IL15RA: variants seen among roughly 807,000 people sequenced by gnomAD.
IL15RA encodes interleukin-15 receptor subunit alpha.
Under a neutral mutation model 24.2 loss-of-function variants are expected in IL15RA, and 26 were observed. The observed-to-expected ratio is 1.07, with a 90% CI of 0.79 to 1.49. The LOEUF is 1.49. IL15RA is among the 40% of genes most tolerant of loss of function. The probability of loss-of-function intolerance (pLI) is 0.00; values close to 1 mark genes in which losing one functional copy is unlikely to be tolerated. For synonymous variants in IL15RA, 166 were observed against 157.6 expected, an observed-to-expected ratio of 1.05 and a Z score of -0.40; for missense variants, 354 against 356.4, an observed-to-expected ratio of 0.99 and a Z score of 0.05.
Position 5,966,245 on chromosome 10 carries a change from A to G in IL15RA, c.183T>C (p.Ser61=). The G allele has an allele frequency of 6.2e-7, 1 of 1,614,080 alleles. No individual in the cohort carries two copies. The highest frequency in any genetic ancestry group is 1.1e-5 in the South Asian group (1 of 91,074). Residue 61 remains serine, a synonymous_variant, in exon 2 of 7, where the codon TCT becomes TCC. Transcript: ENST00000379977. This position sits in a 1 kb window ranked among gnomAD's most constrained non-coding sequence, Gnocchi z 6.4. ...LYSRERYICN[S]GFKRKAGTSS... ...ACGTGCCGGCTTTACGCTTGAAACCAGAGTTACAAATGTACCGCTCCCTGG... is the reference window on the plus strand; with the variant it reads ...ACGTGCCGGCTTTACGCTTGAAACCGGAGTTACAAATGTACCGCTCCCTGG...
intron 5 of IL15RA, among the ~76,000 whole-genome samples, 194 bp from the exon 6 acceptor site, chr10:5,956,648 AG>A (rs2132300056): frequency 6.6e-6 from 1 of 152,288 alleles, no homozygotes; most frequent in East Asian, 1.9e-4. Context: ...TTTCCTGCTG[AG>A]GGTGCCAGCT....
At position 5,960,907 on chromosome 10, in the gene IL15RA, C is replaced by T. The variant is rs41294155; in HGVS notation, c.383-340G>A. Among the ~76,000 whole-genome samples, 4,050 of 152,156 alleles carry T rather than the reference C, an allele frequency of 0.027. 95 individuals carry two copies. The highest frequency in any genetic ancestry group is 0.11 in the East Asian group (566 of 5,176). On this transcript the variant is annotated intron_variant, in intron 3 of 6. Transcript: ENST00000379977. The surrounding 1 kb of genome is among the most constrained non-coding windows in gnomAD (Gnocchi z 5.1). The stretch of plus-strand genomic sequence containing the variant: ...GACCAGCCTGGGCAACACAGCAAGA[C>T]CCTGTTTCTTTTCCTTCTTTTTTTG...
chr10:5,963,467 C>T lies in IL15RA; in HGVS notation c.382+276G>A, dbSNP rs1443915695. 6.6e-6 allele frequency among the ~76,000 whole-genome samples: 1 copy of T among 152,196 alleles called. No homozygotes were observed. Among genetic ancestry groups the T allele is most frequent in the Non-Finnish European group, 1.5e-5 (1 of 68,042 alleles). ...ACCTCAGTCTGCTTTCAGTTCTTGA[C>T]AAAGATAAGTGTCTACAACTAAATT... On this transcript the variant is annotated intron_variant, in intron 3 of 6. Coordinates refer to ENST00000379977, the MANE Select transcript of IL15RA (RefSeq NM_002189.4). The surrounding 1 kb of genome is among the most constrained non-coding windows in gnomAD (Gnocchi z 5.3).
In IL15RA at chr10:5,968,722, T is replaced by G; in HGVS notation, c.89-2383A>C. 1 of 701,360 alleles carries G rather than the reference T, an allele frequency of 1.4e-6. No individual in the cohort carries two copies. The highest frequency in any genetic ancestry group is 2.6e-6 in the Non-Finnish European group (1 of 384,098). The allele number at this position is 701,360 out of a possible 1,614,324, so 43.4% of individuals were successfully genotyped here. A position where few individuals can be genotyped will look rare whatever the true frequency, so the allele number is the denominator to read the frequency against. The stretch of plus-strand genomic sequence containing the variant: ...TACCTGCCTAAACCACAGAGTGTTA[T>G]TTCTCCACACTTGCCCACCCCATCC... On this transcript the variant is annotated intron_variant, in intron 1 of 6. Coordinates refer to ENST00000379977, the MANE Select transcript of IL15RA (RefSeq NM_002189.4). This position sits in a 1 kb window ranked among gnomAD's most constrained non-coding sequence, Gnocchi z 5.4.
upstream of IL15RA, chr10:5,977,975 T>G: frequency 5.4e-6 from 1 of 185,246 alleles, no homozygotes; most frequent in East Asian, 1.3e-4. Context: ...GCCTTCGGCT[T>G]TCCTGGTCTC....
intron 1 of IL15RA, among the ~76,000 whole-genome samples, chr10:5,976,613 A>G (rs746146877): frequency 6.6e-6 from 1 of 152,070 alleles, no homozygotes; most frequent in Non-Finnish European, 1.5e-5. Context: ...ATAGAGCTAG[A>G]CCCTGCTACT....
intron 5 of IL15RA, among the ~76,000 whole-genome samples, chr10:5,956,729 G>A (rs1257944160): frequency 1.3e-5 from 2 of 152,226 alleles, no homozygotes; most frequent in African/African-American, 4.8e-5. Flanking sequence ...TGACGGGGCA[G>A]GGACGGAGCA....
rs1554819562 is a variant in IL15RA at position 5,960,590 on chromosome 10, G to A, written c.383-23C>T. The A allele has an allele frequency of 6.2e-7, 1 of 1,605,490 alleles. No individual in the cohort carries two copies. Among genetic ancestry groups the A allele is most frequent in the Non-Finnish European group, 8.5e-7 (1 of 1,173,468 alleles). On this transcript the variant is annotated intron_variant, in intron 3 of 6. Coordinates refer to ENST00000379977, the MANE Select transcript of IL15RA (RefSeq NM_002189.4). The surrounding 1 kb of genome is among the most constrained non-coding windows in gnomAD (Gnocchi z 5.1). ...GCTCTGTAGGAGAGTCCAAGGCAGG[G>A]ACAACATCAGTGTGCAGACTCCCCT...
In IL15RA at chr10:5,970,593, G is replaced by A. The variant is rs1025875067; in HGVS notation, c.89-4254C>T. Among the ~76,000 whole-genome samples the A allele has an allele frequency of 1.6e-4, 24 of 152,030 alleles. No individual in the cohort carries two copies. Among genetic ancestry groups the A allele is most frequent in the African/African-American group, 5.8e-4 (24 of 41,340 alleles). ...TGTTTGAATGTACAAGGATATCAAT[G>A]TACTACAGCCAATCCAACCAGGCAA... On this transcript the variant is annotated intron_variant, in intron 1 of 6. Coordinates refer to ENST00000379977, the MANE Select transcript of IL15RA (RefSeq NM_002189.4). This position sits in a 1 kb window ranked among gnomAD's most constrained non-coding sequence, Gnocchi z 4.1.
chr10:5,958,989 C>T lies in IL15RA; in HGVS notation c.616+765G>A, dbSNP rs1338433825. Among the ~76,000 whole-genome samples the T allele has an allele frequency of 6.6e-6, 1 of 151,580 alleles. No individual in the cohort carries two copies. The highest frequency in any genetic ancestry group is 2.4e-5 in the African/African-American group (1 of 41,208). ...CCTGTTCTCCCCTCCTCTCTCAGCT[C>T]TCCTCCCCTCCCTTCAGCTTTTTCT... is the stretch of plus-strand genomic sequence containing the variant. On this transcript the variant is annotated intron_variant, in intron 5 of 6. Coordinates refer to ENST00000379977, the MANE Select transcript of IL15RA (RefSeq NM_002189.4). This position sits in a 1 kb window ranked among gnomAD's most constrained non-coding sequence, Gnocchi z 4.3.
Position 5,966,416 on chromosome 10 carries a change from T to G in IL15RA, c.89-77A>C. The stretch of plus-strand genomic sequence containing the variant: ...GGCGTTCTCCAGGCACACGCAGCGG[T>G]AGTCAGTGTCCAGCTTATCCTAGGG... On this transcript the variant is annotated intron_variant, in intron 1 of 6. Transcript: ENST00000379977. This position sits in a 1 kb window ranked among gnomAD's most constrained non-coding sequence, Gnocchi z 6.4. 76 of 1,230,176 alleles carry G rather than the reference T, an allele frequency of 6.2e-5. No homozygotes were observed. The highest frequency in any genetic ancestry group is 7.8e-5 in the Non-Finnish European group (67 of 856,142). 76.2% of individuals were successfully genotyped at this position (1,230,176 alleles called of 1,614,324 possible).
Position 5,966,285 on chromosome 10 carries a change from C to T in IL15RA, c.143G>A (p.Ser48Asn), listed in dbSNP as rs1836519487. The T allele has an allele frequency of 2.5e-6, 4 of 1,613,898 alleles. No homozygotes were observed. In the African/African-American group the frequency reaches 4.0e-5, roughly 16 times the overall value. The part of the protein sequence containing the change: ...SVEHADIWVK[S>N]YSLYSRERYI... Reference sequence around the variant, plus strand: ...CCGCTCCCTGGAGTACAAGCTGTAGCTCTTGACCCAGATGTCTGCGTGTTC... The same window carrying T: ...CCGCTCCCTGGAGTACAAGCTGTAGTTCTTGACCCAGATGTCTGCGTGTTC... Residue 48 changes from serine to asparagine, a missense_variant, in exon 2 of 7, where the codon AGC (serine) becomes AAC (asparagine). Transcript: ENST00000379977. This position sits in a 1 kb window ranked among gnomAD's most constrained non-coding sequence, Gnocchi z 6.4.
At position 5,968,669 on chromosome 10, in the gene IL15RA, T is replaced by C; in HGVS notation, c.89-2330A>G. 1 of 657,952 alleles carries C rather than the reference T, an allele frequency of 1.5e-6. No homozygotes were observed. Among genetic ancestry groups the C allele is most frequent in the East Asian group, 2.7e-5 (1 of 36,754 alleles). The allele number at this position is 657,952 out of a possible 1,614,324, so 40.8% of individuals were successfully genotyped here. On this transcript the variant is annotated intron_variant, in intron 1 of 6. Transcript: ENST00000379977. The surrounding 1 kb of genome is among the most constrained non-coding windows in gnomAD (Gnocchi z 5.4). ...TGTCAGAGGCTTTTTCTCCATGTTCTGCTCCACACTGATCTTCTGTCCTTC... is the reference window on the plus strand; with the variant it reads ...TGTCAGAGGCTTTTTCTCCATGTTCCGCTCCACACTGATCTTCTGTCCTTC...
chr10:5,968,942 T>A lies in IL15RA; in HGVS notation c.89-2603A>T, dbSNP rs1432101478. On this transcript the variant is annotated intron_variant, in intron 1 of 6. Transcript: ENST00000379977. This position sits in a 1 kb window ranked among gnomAD's most constrained non-coding sequence, Gnocchi z 5.4. ...TGTCTCTTGCATCTGTAACAGGTTT[T>A]GTACAGGAAGTGTTCCCTGCCCATT... 6.5e-7 allele frequency: 1 copy of A among 1,534,318 alleles called. No homozygotes were observed. The highest frequency in any genetic ancestry group is 2.4e-5 in the East Asian group (1 of 40,922).
At chr10:5,969,938 A>G (rs1404277463) in intron 1 of IL15RA, among the ~76,000 whole-genome samples, 1 of 152,152 alleles carries the variant, frequency 6.6e-6, no homozygotes, top group African/African-American at 2.4e-5. Flanking sequence ...GTCACTGCAA[A>G]TGGTATGATA....
chr10:5,959,581 G>A lies in IL15RA; in HGVS notation c.616+173C>T, dbSNP rs1394678288. Among the ~76,000 whole-genome samples, 1 of 152,232 alleles carries A rather than the reference G, an allele frequency of 6.6e-6. No individual in the cohort carries two copies. The highest frequency in any genetic ancestry group is 2.4e-5 in the African/African-American group (1 of 41,462). On this transcript the variant is annotated intron_variant, in intron 5 of 6. Transcript: ENST00000379977. The surrounding 1 kb of genome is among the most constrained non-coding windows in gnomAD (Gnocchi z 4.1). ...TAGAAAAATGGGCACATCAAACAGA[G>A]AATTCCATAAATCAGCTATTACTTA...
At position 5,954,809 on chromosome 10, in the gene IL15RA, G is replaced by T. The variant is rs533444457; in HGVS notation, c.692+1570C>A. 5.9e-5 allele frequency among the ~76,000 whole-genome samples: 9 copies of T among 151,876 alleles called. No individual in the cohort carries two copies. In the South Asian group the frequency reaches 1.0e-3, roughly 18 times the overall value. ...AACTCCAAATTCAGCATTTTATATT[G>T]GAAATTCTGTAGTTATTAATAGTGA... On this transcript the variant is annotated intron_variant, in intron 6 of 6. Transcript: ENST00000379977.
Position 5,966,721 on chromosome 10 carries a change from C to T in IL15RA, c.89-382G>A, listed in dbSNP as rs1384419365. 1.3e-5 allele frequency among the ~76,000 whole-genome samples: 2 copies of T among 152,148 alleles called. No individual in the cohort carries two copies. The highest frequency in any genetic ancestry group is 2.9e-5 in the Non-Finnish European group (2 of 68,024). On this transcript the variant is annotated intron_variant, in intron 1 of 6. Transcript: ENST00000379977. This position sits in a 1 kb window ranked among gnomAD's most constrained non-coding sequence, Gnocchi z 6.4. Reference sequence around the variant, plus strand: ...CAAGTGCCTCCAGATAGGCCCCCTGCAGGCTCTCCCACAGGTCTCTGCGGC... The same window carrying T: ...CAAGTGCCTCCAGATAGGCCCCCTGTAGGCTCTCCCACAGGTCTCTGCGGC...
chr10:5,962,583 C>T lies in IL15RA; in HGVS notation c.382+1160G>A, dbSNP rs1360100665. Among the ~76,000 whole-genome samples, 1 of 144,240 alleles carries T rather than the reference C, an allele frequency of 6.9e-6. No individual in the cohort carries two copies. Among genetic ancestry groups the T allele is most frequent in the Non-Finnish European group, 1.5e-5 (1 of 66,146 alleles). The allele number at this position is 144,240 out of a possible 152,430, so 94.6% of individuals were successfully genotyped here. A position where few individuals can be genotyped will look rare whatever the true frequency, so the allele number is the denominator to read the frequency against. ...CTCCAGACTGGGCAATAGAGCAAGACCCCATCTCAAAAAAAAAAAAAAAAA... is the reference window on the plus strand; with the variant it reads ...CTCCAGACTGGGCAATAGAGCAAGATCCCATCTCAAAAAAAAAAAAAAAAA... On this transcript the variant is annotated intron_variant, in intron 3 of 6. Coordinates refer to ENST00000379977, the MANE Select transcript of IL15RA (RefSeq NM_002189.4). The surrounding 1 kb of genome is among the most constrained non-coding windows in gnomAD (Gnocchi z 5.2).
Sources: gnomAD v4.1 joint callset for allele counts (sites outside exome capture counted in the v4.1 genomes callset) on GRCh38, gnomAD v4.1.1 for gene constraint, Gnocchi (gnomAD v3.1) non-coding constraint, MANE v1.5 for transcripts, NCBI Gene and HGNC (gene_info 2026-07-23, HGNC 2026-07-21) for gene names.